The following COPA variants were observed in gnomAD, a reference collection of about 807,000 sequenced individuals.
COPA encodes the protein coatomer subunit alpha.
A neutral mutation model predicts 158.7 loss-of-function variants in COPA; 10 were observed. The observed-to-expected ratio is 0.06, with a 90% confidence interval of 0.04 to 0.11. The LOEUF (loss-of-function observed/expected upper bound fraction) is 0.11, where lower values mean the gene tolerates loss of function less well. Ranked by LOEUF, COPA falls within the 10% of genes least tolerant of loss-of-function variation. The pLI, the probability that COPA is intolerant of heterozygous loss-of-function variation, is 1.00. For missense variants in COPA, 1,065 were observed against 1,536.7 expected (o/e 0.69, Z 5.13); for synonymous variants, 462 against 542.8 (o/e 0.85, Z 2.07).
At chr1:160,337,124 C>T (rs186136076) in intron 3 of COPA, among the ~76,000 whole-genome samples, 46 of 152,186 alleles carry the variant, frequency 3.0e-4, no homozygotes, top group Non-Finnish European at 6.3e-4. Context: ...ACTTTTTTCC[C>T]CTTATAGAGT....
chr1:160,291,973 G>C, intron 29 of COPA, 39 bp downstream of exon 29: 2 of 1,614,158 alleles, frequency 1.2e-6, no homozygotes, highest in Non-Finnish European at 1.7e-6. Flanking sequence ...CAAGAATGTG[G>C]AAGTGCCCAG....
intron 11 of COPA, among the ~76,000 whole-genome samples, chr1:160,311,475 C>T (rs900338904): frequency 9.1e-5 from 13 of 142,176 alleles, no homozygotes; most frequent in South Asian, 2.3e-4. Context: ...ATAGGCTGGG[C>T]GCGGTGGCTC....
rs150583288 is a variant in COPA at position 160,333,776 on chromosome 1, G to A, written c.310-97C>T. 2,103 of 896,062 alleles carry A rather than the reference G, an allele frequency of 2.3e-3. 1 individual carries two copies. Among genetic ancestry groups the A allele is most frequent in the Non-Finnish European group, 3.1e-3 (1,800 of 581,726 alleles). The allele number at this position is 896,062 out of a possible 1,614,324, so 55.5% of individuals were successfully genotyped here. A position where few individuals can be genotyped will look rare whatever the true frequency, so the allele number is the denominator to read the frequency against. On this transcript the variant is annotated intron_variant, in intron 4 of 32. Transcript: ENST00000241704. ...TCTCTAAAGAACTGCATTGCTTAAC[G>A]GCTCAGCTACATTAGCAAAGGGGCT...
chr1:160,325,795 T>C (rs1557872623), intron 6 of COPA, 143 bp from the exon 7 acceptor site: 1 of 654,376 alleles, frequency 1.5e-6, no homozygotes, highest in East Asian at 2.7e-5. Flanking sequence ...ACTCAAGAAT[T>C]CCTATTTCTA....
intron 1 of COPA, 114 bp downstream of exon 1, chr1:160,343,017 C>T: frequency 7.8e-7 from 1 of 1,274,580 alleles, no homozygotes; most frequent in Non-Finnish European, 1.1e-6. Context: ...CGTCTTCCTC[C>T]GGGTCCGTCT....
At chr1:160,301,932 T>C (rs1013714951) in intron 17 of COPA, among the ~76,000 whole-genome samples, 3 of 151,970 alleles carry the variant, frequency 2.0e-5, no homozygotes, top group African/African-American at 7.2e-5. Context: ...AAAAATCTAC[T>C]GTAAGCTCAC....
intron 8 of COPA, 144 bp downstream of exon 8, chr1:160,323,287 G>T: frequency 2.3e-6 from 1 of 432,698 alleles, no homozygotes; most frequent in Non-Finnish European, 4.0e-6. Flanking sequence ...TATTTTATTT[G>T]TAAAATAATT....
intron 17 of COPA, among the ~76,000 whole-genome samples, chr1:160,299,748 A>ATAT (rs1384820531): frequency 5.3e-5 from 8 of 152,238 alleles, no homozygotes; most frequent in African/African-American, 1.9e-4. Context: ...ATTAGAAGAA[A>ATAT]TATTAAAAAT....
At chr1:160,332,280 A>G (rs1164475957) in intron 6 of COPA, among the ~76,000 whole-genome samples, 168 bp downstream of exon 6, 1 of 152,266 alleles carries the variant, frequency 6.6e-6, no homozygotes, top group Non-Finnish European at 1.5e-5. Flanking sequence ...AAGACTTCCA[A>G]TATGAAGAAC....
chr1:160,327,454 T>C (rs1647294293), intron 6 of COPA, among the ~76,000 whole-genome samples: 1 of 144,946 alleles, frequency 6.9e-6, no homozygotes, highest in Non-Finnish European at 1.5e-5. Flanking sequence ...GGGGAATTGC[T>C]TGAACCCGGG....
intron 17 of COPA, among the ~76,000 whole-genome samples, chr1:160,302,160 TAA>T (rs1658628404): frequency 6.6e-6 from 1 of 152,018 alleles, no homozygotes; most frequent in Non-Finnish European, 1.5e-5. Flanking sequence ...CTGGAATTGA[TAA>T]GAGTCTAGCA....
intron 8 of COPA, among the ~76,000 whole-genome samples, chr1:160,319,409 G>A (rs1428362444): frequency 6.6e-6 from 1 of 151,142 alleles, no homozygotes; most frequent in Non-Finnish European, 1.5e-5. Flanking sequence ...AGATCCAAAA[G>A]GAGAGGTAGA....
Position 160,291,426 on chromosome 1 carries a change from T to G in COPA, c.3329A>C (p.Asn1110Thr). 1.2e-6 allele frequency: 2 copies of G among 1,614,104 alleles called. No homozygotes were observed. Among genetic ancestry groups the G allele is most frequent in the Non-Finnish European group, 1.7e-6 (2 of 1,180,012 alleles). Reference sequence around the variant, plus strand: ...GAAGTTCTTGAGCTTGAAGAACAGATTGAGGGCTGTACGCAGCACCAGGAT... The same window carrying G: ...GAAGTTCTTGAGCTTGAAGAACAGAGTGAGGGCTGTACGCAGCACCAGGAT... Reference protein sequence around the residue: ...HMILVLRTALNLFFKLKNFKT... With the variant: ...HMILVLRTALTLFFKLKNFKT... Residue 1110 changes from asparagine to threonine, a missense_variant, in exon 31 of 33, where the codon AAT becomes ACT. Around this residue, in one of 2 missense-constraint regions of COPA, gnomAD observed 980 missense variants for 1,357.8 expected, o/e 0.72. Transcript: ENST00000241704.
chr1:160,310,845 G>A (rs1006026796), intron 11 of COPA, among the ~76,000 whole-genome samples: 24 of 152,120 alleles, frequency 1.6e-4, no homozygotes, highest in Admixed American at 2.6e-4. Context: ...GTTCAGAGTT[G>A]TGCACTTTTT....
Position 160,307,256 on chromosome 1 carries a change from C to T in COPA, c.1220-11G>A. On this transcript the variant is annotated splice_polypyrimidine_tract_variant and intron_variant, in intron 13 of 32. Coordinates refer to ENST00000241704, the MANE Select transcript of COPA (RefSeq NM_004371.4). ...GTTTCCCTTCAGGCGCTGAGAAGAACAAAACCAAAGGGTGGGAGCATGTGG... is the reference window on the plus strand; with the variant it reads ...GTTTCCCTTCAGGCGCTGAGAAGAATAAAACCAAAGGGTGGGAGCATGTGG... 1 of 1,613,992 alleles carries T rather than the reference C, an allele frequency of 6.2e-7. No individual in the cohort carries two copies. The highest frequency in any genetic ancestry group is 8.5e-7 in the Non-Finnish European group (1 of 1,179,882).
chr1:160,328,185 C>T (rs1647346017), intron 6 of COPA, among the ~76,000 whole-genome samples: 1 of 152,128 alleles, frequency 6.6e-6, no homozygotes, highest in South Asian at 2.1e-4. Flanking sequence ...TTCACTTGTC[C>T]CTTTAATAAG....
At position 160,296,228 on chromosome 1, in the gene COPA, C is replaced by G. The variant is rs993887916; in HGVS notation, c.2264-79G>C. On this transcript the variant is annotated intron_variant, in intron 21 of 32. Coordinates refer to ENST00000241704, the MANE Select transcript of COPA (RefSeq NM_004371.4). ...GTGGTAAGCAACCTCTGAAATGGCC[C>G]CCCAGTAATCCCTGACTCCTGGTAT... 3 of 1,157,124 alleles carry G rather than the reference C, an allele frequency of 2.6e-6. No homozygotes were observed. The South Asian group carries it at 3.8e-5, about 15-fold the overall frequency. 71.7% of individuals were successfully genotyped at this position (1,157,124 alleles called of 1,614,324 possible). A position where few individuals can be genotyped will look rare whatever the true frequency, so the allele number is the denominator to read the frequency against.
intron 4 of COPA, among the ~76,000 whole-genome samples, chr1:160,334,293 T>C (rs1647663292): frequency 6.6e-6 from 1 of 152,122 alleles, no homozygotes. Flanking sequence ...ATCTCTACCT[T>C]CAGTATTTAG....
chr1:160,294,519 C>T lies in COPA; in HGVS notation c.2641G>A (p.Asp881Asn). Reference protein sequence around the residue: ...GKGQEEGGGWDVEEDLELPPE... With the variant: ...GKGQEEGGGWNVEEDLELPPE... ...GGGAGCTCCAGATCTTCTTCTACAT[C>T]CCAGCCACCTCCTTCTTCCTGTCCC... Residue 881 changes from aspartate to asparagine, a missense_variant, in exon 25 of 33, where the codon GAT (aspartate) becomes AAT (asparagine). By Grantham distance (23) the Asp-to-Asn change is conservative (BLOSUM62 1). Transcript: ENST00000241704. 1 of 1,614,170 alleles carries T rather than the reference C, an allele frequency of 6.2e-7. No homozygotes were observed. Among genetic ancestry groups the T allele is most frequent in the Non-Finnish European group, 8.5e-7 (1 of 1,180,024 alleles).
Sources: gnomAD v4.1 joint callset for allele counts (sites outside exome capture counted in the v4.1 genomes callset) on GRCh38, gnomAD v4.1.1 for gene constraint, gnomAD v4.1.1 regional missense constraint, MANE v1.5 for transcripts, NCBI Gene and HGNC (gene_info 2026-07-23, HGNC 2026-07-21) for gene names.